FMN1: variants seen among roughly 807,000 people sequenced by gnomAD.
FMN1 encodes formin 1, also known as formin-1.
In FMN1, 110 loss-of-function variants were observed where a neutral mutation model predicts 132.4. The ratio of observed to expected loss-of-function variants is 0.83; its 90% CI spans 0.71 to 0.97. The LOEUF (loss-of-function observed/expected upper bound fraction) is 0.97, where lower values mean the gene tolerates loss of function less well. Ranked by LOEUF, FMN1 falls within the 50% of genes least tolerant of loss-of-function variation. FMN1 has a pLI of 0.00. For missense variants in FMN1, 1,792 were observed against 1,705.3 expected, an observed-to-expected ratio of 1.05 and a Z score of -0.90; for synonymous variants, 722 against 651.7, an observed-to-expected ratio of 1.11 and a Z score of -1.64.
chr15:32,954,223 C>A (rs1410580301), intron 9 of FMN1, among the ~76,000 whole-genome samples: 1 of 152,182 alleles, frequency 6.6e-6, no homozygotes, highest in Non-Finnish European at 1.5e-5. Flanking sequence ...AATATATATA[C>A]CTTACATTTG....
intron 9 of FMN1, among the ~76,000 whole-genome samples, chr15:32,927,953 G>C (rs180673355): frequency 6.6e-6 from 1 of 152,314 alleles, no homozygotes; most frequent in East Asian, 1.9e-4. Context: ...ATCTACATTT[G>C]TATTATTACT....
At chr15:32,827,570 G>A (rs1355488614) in intron 17 of FMN1, among the ~76,000 whole-genome samples, 1 of 152,148 alleles carries the variant, frequency 6.6e-6, no homozygotes, top group Non-Finnish European at 1.5e-5. Context: ...GGACATACAG[G>A]CCGGACGCGG....
At chr15:32,936,500 G>A (rs2061274470) in intron 9 of FMN1, among the ~76,000 whole-genome samples, 1 of 152,124 alleles carries the variant, frequency 6.6e-6, no homozygotes, top group Non-Finnish European at 1.5e-5. Flanking sequence ...GCTCTCTCTA[G>A]TGTCTGTCTA....
chr15:33,038,546 A>T (rs1340434521), intron 6 of FMN1, among the ~76,000 whole-genome samples: 1 of 152,344 alleles, frequency 6.6e-6, no homozygotes, highest in East Asian at 1.9e-4. Flanking sequence ...CATCAAAAGA[A>T]TTTTAATTTT....
At chr15:33,185,180 A>G (rs1365869137) in intron 2 of FMN1, among the ~76,000 whole-genome samples, 1 of 152,212 alleles carries the variant, frequency 6.6e-6, no homozygotes, top group Admixed American at 6.5e-5. Flanking sequence ...GTTAAGAATA[A>G]TAATTTAAAA....
intron 4 of FMN1, among the ~76,000 whole-genome samples, chr15:33,126,708 G>A (rs766070005): frequency 4.7e-5 from 7 of 148,256 alleles, no homozygotes; most frequent in Non-Finnish European, 9.0e-5. Flanking sequence ...GGCAATAAAA[G>A]AGCAATCTAC....
chr15:33,088,839 C>G lies in FMN1; in HGVS notation c.2003G>C (p.Arg668Thr), dbSNP rs34718785. The change falls in exon 5 of 21, where the codon AGG becomes ACG. Residue 668 changes from arginine (R) to threonine (T), a missense_variant. Around this residue, in one of 3 missense-constraint regions of FMN1, gnomAD observed 1,150 missense variants for 1,043.1 expected, o/e 1.10. Coordinates refer to ENST00000616417, the MANE Select transcript of FMN1 (RefSeq NM_001277313.2). ...CAATTCGCTCCTGTTTGACTTCTCC[C>G]TTTCCTCATGAAGCAAAAATGGACA... ...PACPFLLHEE[R>T]EKSNRSELYL... 32,599 of 1,535,752 alleles carry G rather than the reference C, an allele frequency of 0.021. 426 individuals carry two copies. Among genetic ancestry groups the G allele is most frequent in the Non-Finnish European group, 0.024 (27,474 of 1,146,700 alleles).
rs1209962033 is a variant in FMN1 at position 32,769,364 on chromosome 15, G to A, written c.*4946C>T. The A allele has an allele frequency of 6.6e-6, 1 of 152,166 alleles. No individual in the cohort carries two copies. The highest frequency in any genetic ancestry group is 1.5e-5 in the Non-Finnish European group (1 of 68,036). 9.4% of individuals were successfully genotyped at this position (152,166 alleles called of 1,614,324 possible). A position where few individuals can be genotyped will look rare whatever the true frequency, so the allele number is the denominator to read the frequency against. ...CAGTAGATTGCCCATTCCTTGGGAAGGGAGATGAAGAATTGTGAAACCAAA... is the reference window on the plus strand; with the variant it reads ...CAGTAGATTGCCCATTCCTTGGGAAAGGAGATGAAGAATTGTGAAACCAAA... On this transcript the variant is annotated 3_prime_UTR_variant, in exon 21 of 21. Transcript: ENST00000616417.
chr15:32,880,973 C>G (rs1408179027), intron 16 of FMN1, among the ~76,000 whole-genome samples: 1 of 152,160 alleles, frequency 6.6e-6, no homozygotes, highest in Non-Finnish European at 1.5e-5. Context: ...CTTTTGTCTC[C>G]TAAATCCTAG....
chr15:32,888,610 G>C (rs1212867163), intron 15 of FMN1, among the ~76,000 whole-genome samples: 1 of 152,220 alleles, frequency 6.6e-6, no homozygotes, highest in Non-Finnish European at 1.5e-5. Flanking sequence ...AAATGGAAGA[G>C]GGGAACACAT....
chr15:33,047,465 G>C (rs1481941884), intron 6 of FMN1, among the ~76,000 whole-genome samples: 1 of 152,182 alleles, frequency 6.6e-6, no homozygotes, highest in African/African-American at 2.4e-5. Flanking sequence ...TTAAAAGTCA[G>C]CTTAATTAAA....
intron 19 of FMN1, among the ~76,000 whole-genome samples, chr15:32,792,995 T>TA (rs2057143407): frequency 6.6e-6 from 1 of 152,168 alleles, no homozygotes; most frequent in Non-Finnish European, 1.5e-5. Context: ...GCCAAGACGT[T>TA]ATCCTTACTG....
intron 17 of FMN1, among the ~76,000 whole-genome samples, chr15:32,813,175 T>A (rs548287712): frequency 2.1e-4 from 32 of 152,204 alleles, no homozygotes; most frequent in Non-Finnish European, 4.7e-4. Context: ...CCATTCTATA[T>A]GAGAGACTTG....
chr15:33,071,373 G>C (rs2037993174), intron 5 of FMN1, among the ~76,000 whole-genome samples: 2 of 152,150 alleles, frequency 1.3e-5, no homozygotes, highest in African/African-American at 2.4e-5. Context: ...TTTCCAGTTT[G>C]CCCCTACCAT....
Position 33,059,887 on chromosome 15 carries a change from G to C in FMN1, c.2161+5070C>G, listed in dbSNP as rs143046025. Among the ~76,000 whole-genome samples the C allele has an allele frequency of 3.0e-3, 463 of 152,264 alleles. 6 individuals carry two copies. Among genetic ancestry groups the C allele is most frequent in the African/African-American group, 0.01 (430 of 41,556 alleles). ...TCCTTGAACACAATATGTGATTCTT[G>C]AGTCTCCAGTCCGCACTTTTGATTC... is the stretch of plus-strand genomic sequence containing the variant. On this transcript the variant is annotated intron_variant, in intron 6 of 20. Coordinates refer to ENST00000616417, the MANE Select transcript of FMN1 (RefSeq NM_001277313.2).
rs375446800 is a variant in FMN1, at chr15:33,071,575, C to T, written c.2044-6501G>A. 6.6e-4 allele frequency among the ~76,000 whole-genome samples: 100 copies of T among 152,264 alleles called. 1 individual carries two copies. The highest frequency in any genetic ancestry group is 2.3e-3 in the African/African-American group (97 of 41,530). ...GGAGACTCTTGTTTACAGACTGTAA[C>T]CAAGGACTTTATCCCCCAGGTTCAG... On this transcript the variant is annotated intron_variant, in intron 5 of 20. Coordinates refer to ENST00000616417, the MANE Select transcript of FMN1 (RefSeq NM_001277313.2).
At chr15:32,817,513 G>GT (rs1279186196) in intron 17 of FMN1, among the ~76,000 whole-genome samples, 1 of 152,188 alleles carries the variant, frequency 6.6e-6, no homozygotes, top group Non-Finnish European at 1.5e-5. Context: ...ATGTTACCAA[G>GT]TATCTAGGTG....
chr15:32,918,777 C>T (rs1218710778), intron 10 of FMN1, among the ~76,000 whole-genome samples: 5 of 152,112 alleles, frequency 3.3e-5, no homozygotes, highest in Admixed American at 2.0e-4. Context: ...AATTACATTC[C>T]AGGCAGATTG....
intron 7 of FMN1, among the ~76,000 whole-genome samples, chr15:32,994,511 TCAGA>T: frequency 6.6e-6 from 1 of 152,144 alleles, no homozygotes; most frequent in East Asian, 1.9e-4. Context: ...TTAGACCCCA[TCAGA>T]GCAGCTCCAC....
Sources: allele counts gnomAD v4.1 joint callset (sites outside exome capture counted in the v4.1 genomes callset), GRCh38; gene constraint gnomAD v4.1.1; regional missense constraint gnomAD v4.1.1; transcripts MANE v1.5; gene names NCBI Gene and HGNC (gene_info 2026-07-23, HGNC 2026-07-21).